The following NRG1 variants were observed in gnomAD, a reference collection of about 807,000 sequenced individuals.
NRG1 encodes the protein pro-neuregulin-1, membrane-bound isoform.
In NRG1, 18 loss-of-function variants were observed where a neutral mutation model predicts 63.8. The observed-to-expected ratio is 0.28, with a 90% CI of 0.19 to 0.42. The LOEUF (loss-of-function observed/expected upper bound fraction) is 0.42, where lower values mean the gene tolerates loss of function less well. Ranked by LOEUF, NRG1 falls within the 10% of genes least tolerant of loss-of-function variation. The pLI, the probability that NRG1 is intolerant of heterozygous loss-of-function variation, is 1.00. For synonymous variants in NRG1, 302 were observed against 301.3 expected (o/e 1.00, Z -0.02); for missense variants, 762 against 814.7 (o/e 0.94, Z 0.79).
intron 1 of NRG1, among the ~76,000 whole-genome samples, chr8:31,815,396 G>A (rs1056090552): frequency 3.9e-5 from 6 of 151,964 alleles, no homozygotes; most frequent in Non-Finnish European, 8.8e-5. Context: ...TATCCTCAAG[G>A]TTCATCCATG....
intron 1 of NRG1, among the ~76,000 whole-genome samples, chr8:31,948,736 TG>T: frequency 6.6e-6 from 1 of 151,320 alleles, no homozygotes; most frequent in East Asian, 1.9e-4. Flanking sequence ...ATAAAGAATA[TG>T]ACATTCATAA....
At chr8:32,071,079 T>C (rs1359194278) in intron 1 of NRG1, among the ~76,000 whole-genome samples, 1 of 152,160 alleles carries the variant, frequency 6.6e-6, no homozygotes, top group African/African-American at 2.4e-5. Flanking sequence ...CCTTCTGCCC[T>C]CAGCCTTACC....
At chr8:31,990,160 G>A (rs116992650) in intron 1 of NRG1, among the ~76,000 whole-genome samples, 360 of 152,126 alleles carry the variant, frequency 2.4e-3, no homozygotes, top group Non-Finnish European at 4.0e-3. Context: ...TTTTACATAT[G>A]GGAAAATGGA....
chr8:32,703,986 A>C (rs1024139574), intron 5 of NRG1, among the ~76,000 whole-genome samples: 1 of 152,230 alleles, frequency 6.6e-6, no homozygotes. Flanking sequence ...GCAAAAATGG[A>C]ATATGCTGAA....
chr8:31,760,069 C>T (rs538156949), intron 1 of NRG1, among the ~76,000 whole-genome samples: 7 of 152,200 alleles, frequency 4.6e-5, no homozygotes, highest in South Asian at 2.1e-4. Flanking sequence ...GTTACCCATG[C>T]GGATTGGAAT....
At chr8:31,782,453 A>T (rs1019253418) in intron 1 of NRG1, among the ~76,000 whole-genome samples, 6 of 152,140 alleles carry the variant, frequency 3.9e-5, no homozygotes, top group Non-Finnish European at 8.8e-5. Context: ...CTTTATTTGC[A>T]TATTTATTAT....
intron 1 of NRG1, among the ~76,000 whole-genome samples, chr8:32,345,968 A>T (rs1416940264): frequency 2.0e-5 from 3 of 151,650 alleles, no homozygotes; most frequent in African/African-American, 7.3e-5. Flanking sequence ...AGATGGCACC[A>T]CTGTACTCCA....
intron 1 of NRG1, among the ~76,000 whole-genome samples, chr8:32,039,757 G>A (rs995379990): frequency 1.3e-5 from 2 of 152,082 alleles, no homozygotes. Flanking sequence ...GGTGGTTCAT[G>A]CCTGTTATTC....
intron 1 of NRG1, among the ~76,000 whole-genome samples, chr8:31,807,405 G>T (rs952796996): frequency 5.3e-5 from 8 of 152,070 alleles, no homozygotes; most frequent in African/African-American, 1.7e-4. Context: ...GTGAAGGCAG[G>T]GTCTGTGGCT....
intron 1 of NRG1, chr8:31,639,549 G>T: frequency 1.4e-6 from 2 of 1,441,956 alleles, no homozygotes; most frequent in Non-Finnish European, 1.8e-6. Context: ...CCGCTTGCTC[G>T]CAGCCCCAGC....
chr8:31,679,828 TTAAG>T (rs1352620512), intron 1 of NRG1, among the ~76,000 whole-genome samples: 1 of 152,002 alleles, frequency 6.6e-6, no homozygotes, highest in Non-Finnish European at 1.5e-5. Context: ...AAAATACAGA[TTAAG>T]TATTAGAATG....
chr8:32,528,450 T>G (rs1181144000), intron 1 of NRG1, among the ~76,000 whole-genome samples: 4 of 152,226 alleles, frequency 2.6e-5, no homozygotes, highest in African/African-American at 9.6e-5. Context: ...AAGGCAAGCA[T>G]CTAGTTTATT....
rs372021495 is a variant in NRG1, at chr8:32,537,754, TAGC to T, written c.38-58071_38-58069del. Among the ~76,000 whole-genome samples the T allele has an allele frequency of 7.8e-4, 119 of 152,306 alleles. 1 individual carries two copies. The highest frequency in any genetic ancestry group is 2.6e-3 in the African/African-American group (110 of 41,570). On this transcript the variant is annotated intron_variant, in intron 1 of 10. Transcript: ENST00000519301. ...AATCCTCATTTTACAGATGAGGAAA[TAGC>T]AGAGATGCAGCAGAGTCAGAGTTCA...
chr8:32,095,188 G>A (rs186342148), intron 1 of NRG1, among the ~76,000 whole-genome samples: 9 of 152,270 alleles, frequency 5.9e-5, no homozygotes, highest in Admixed American at 3.3e-4. Flanking sequence ...GGGATTACAG[G>A]CGTGAGCCTC....
chr8:32,006,703 G>T (rs1322605900), intron 1 of NRG1, among the ~76,000 whole-genome samples: 1 of 151,994 alleles, frequency 6.6e-6, no homozygotes, highest in African/African-American at 2.4e-5. Flanking sequence ...AAAGGAACCT[G>T]GAGCTCAGAC....
At chr8:31,856,557 A>G (rs1406760709) in intron 1 of NRG1, among the ~76,000 whole-genome samples, 1 of 152,104 alleles carries the variant, frequency 6.6e-6, no homozygotes, top group South Asian at 2.1e-4. Context: ...CTTTGATTTG[A>G]ATGTCCTCCC....
At chr8:32,760,060 C>A in intron 10 of NRG1, 140 bp from the exon 11 acceptor site, 1 of 916,454 alleles carries the variant, frequency 1.1e-6, no homozygotes, top group Non-Finnish European at 1.6e-6. Flanking sequence ...CGATTCTATT[C>A]GGAGACAAGT....
intron 1 of NRG1, among the ~76,000 whole-genome samples, chr8:31,913,388 C>A (rs1181252779): frequency 4.6e-5 from 7 of 152,072 alleles, no homozygotes; most frequent in African/African-American, 1.4e-4. Context: ...AATATTTTCC[C>A]ATCATTCTTA....
chr8:32,440,389 G>A (rs1819386835), intron 1 of NRG1, among the ~76,000 whole-genome samples: 1 of 152,024 alleles, frequency 6.6e-6, no homozygotes, highest in Non-Finnish European at 1.5e-5. Context: ...GAACTCCTGG[G>A]CTCAAGTGAT....
Sources: allele counts gnomAD v4.1 joint callset (sites outside exome capture counted in the v4.1 genomes callset), GRCh38; gene constraint gnomAD v4.1.1; transcripts MANE v1.5; gene names NCBI Gene and HGNC (gene_info 2026-07-23, HGNC 2026-07-21).